The following EIF3M variants were observed in gnomAD, a reference collection of about 807,000 sequenced individuals.
EIF3M encodes eukaryotic translation initiation factor 3 subunit M.
A neutral mutation model predicts 49.7 loss-of-function variants in EIF3M; 25 were observed. That is an observed-to-expected ratio of 0.50 (90% CI 0.37 to 0.70). The LOEUF is 0.70. Among genes scored for constraint, EIF3M ranks in the 30% least tolerant of loss-of-function variants. EIF3M has a pLI of 0.00. For synonymous variants in EIF3M, 156 were observed against 149.8 expected (o/e 1.04, Z -0.30); for missense variants, 350 against 440.0 (o/e 0.80, Z 1.83).
intron 3 of EIF3M, 83 bp from the exon 4 acceptor site, chr11:32,588,929 C>T: frequency 6.4e-7 from 1 of 1,564,226 alleles, no homozygotes; most frequent in Non-Finnish European, 8.7e-7. Flanking sequence ...CGGTACCTGC[C>T]ACAGGTTTGT....
At chr11:32,593,697 C>A in intron 5 of EIF3M, 169 bp from the exon 6 acceptor site, 1 of 396,058 alleles carries the variant, frequency 2.5e-6, no homozygotes, top group Non-Finnish European at 4.5e-6. Flanking sequence ...CTTAGTTGTC[C>A]ATCTTTCCTA....
intron 10 of EIF3M, chr11:32,602,051 T>G: frequency 1.2e-6 from 1 of 867,034 alleles, no homozygotes; most frequent in Non-Finnish European, 1.8e-6. Context: ...GCTAGAATAC[T>G]AATGACTTTT....
intron 2 of EIF3M, among the ~76,000 whole-genome samples, chr11:32,588,118 T>C (rs1855028900): frequency 6.6e-6 from 1 of 152,104 alleles, no homozygotes; most frequent in African/African-American, 2.4e-5. Flanking sequence ...AGGCCAGGCA[T>C]AGTGGCTCAC....
chr11:32,602,430 A>G lies in EIF3M; in HGVS notation c.*31A>G. ...TATGCTTATAATTTTTGTTCTTTGAAAAAAAAGCCCTAAATCATAGTAAAA... is the reference window on the plus strand; with the variant it reads ...TATGCTTATAATTTTTGTTCTTTGAGAAAAAAGCCCTAAATCATAGTAAAA... On this transcript the variant is annotated 3_prime_UTR_variant, in exon 11 of 11. Coordinates refer to ENST00000531120, the MANE Select transcript of EIF3M (RefSeq NM_006360.6). The G allele has an allele frequency of 6.3e-7, 1 of 1,599,916 alleles. No homozygotes were observed. Among genetic ancestry groups the G allele is most frequent in the Non-Finnish European group, 8.5e-7 (1 of 1,173,558 alleles).
Position 32,602,821 on chromosome 11 carries a change from CTG to C in EIF3M, c.*424_*425del. On this transcript the variant is annotated 3_prime_UTR_variant, in exon 11 of 11. Coordinates refer to ENST00000531120, the MANE Select transcript of EIF3M (RefSeq NM_006360.6). ...AAGCACTTATCTACATTATTTTAAT[CTG>C]TTGTTTTTTTCCAACGTCTCTTCTG... 4 of 1,589,018 alleles carry C rather than the reference CTG, an allele frequency of 2.5e-6. No individual in the cohort carries two copies. The highest frequency in any genetic ancestry group is 1.7e-4 in the Middle Eastern group (1 of 5,854).
chr11:32,588,516 A>C, intron 2 of EIF3M, 78 bp from the exon 3 acceptor site: 1 of 1,527,930 alleles, frequency 6.5e-7, no homozygotes, highest in Non-Finnish European at 8.9e-7. Context: ...TTGTATTAAA[A>C]CACTGGAAAT....
intron 1 of EIF3M, among the ~76,000 whole-genome samples, chr11:32,585,095 C>T (rs1172651325): frequency 2.0e-5 from 3 of 152,048 alleles, no homozygotes; most frequent in Admixed American, 6.6e-5. Flanking sequence ...CCTCTCTCCT[C>T]CCCCCGCCCC....
chr11:32,599,590 G>A (rs1855230476), intron 8 of EIF3M, among the ~76,000 whole-genome samples: 1 of 151,952 alleles, frequency 6.6e-6, no homozygotes. Context: ...GCACTTGATT[G>A]ATCATTTGCT....
At position 32,588,984 on chromosome 11, in the gene EIF3M, ATTGTTTAT is replaced by A; in HGVS notation, c.315-21_315-14del. ...TTAAAACTGGTTGCTGATTTCAAAC[ATTGTTTAT>A]TTGTTTGTTAACCAACCAGGTTAAG... On this transcript the variant is annotated intron_variant, in intron 3 of 10. Coordinates refer to ENST00000531120, the MANE Select transcript of EIF3M (RefSeq NM_006360.6). 6.2e-7 allele frequency: 1 copy of A among 1,610,502 alleles called. No homozygotes were observed.
chr11:32,586,890 A>G (rs1372720114), intron 1 of EIF3M, 122 bp from the exon 2 acceptor site: 1 of 1,353,768 alleles, frequency 7.4e-7, no homozygotes, highest in Non-Finnish European at 9.8e-7. Flanking sequence ...AGGGGTCTTC[A>G]ACATTATTTG....
At chr11:32,592,417 A>G (rs969140036) in intron 5 of EIF3M, 4 of 547,978 alleles carry the variant, frequency 7.3e-6, no homozygotes, top group Non-Finnish European at 1.4e-5. Flanking sequence ...AGTCTCTCAA[A>G]TTATGTTCTT....
chr11:32,588,800 T>C (rs1855046225), intron 3 of EIF3M, 68 bp downstream of exon 3: 2 of 1,598,674 alleles, frequency 1.3e-6, no homozygotes, highest in Admixed American at 1.7e-5. Flanking sequence ...CTTTTAATGG[T>C]GCAGAGCAGG....
rs1213691925 is a variant in EIF3M, at chr11:32,595,966, C to T, written c.718C>T (p.Leu240Phe). ...KFLEGELIHDLLTIFVSAKLA... is the reference protein window; with the variant it reads ...KFLEGELIHDFLTIFVSAKLA... ...TCTTTTTTGTCTCTTATCTGTATAG[C>T]TTTTAACCATTTTTGTGAGTGCTAA... Residue 240 changes from leucine to phenylalanine, a missense_variant and splice_region_variant, in exon 8 of 11, where the codon CTT becomes TTT. Coordinates refer to ENST00000531120, the MANE Select transcript of EIF3M (RefSeq NM_006360.6). The T allele has an allele frequency of 1.9e-6, 3 of 1,573,866 alleles. No homozygotes were observed. Among genetic ancestry groups the T allele is most frequent in the African/African-American group, 1.4e-5 (1 of 71,646 alleles).
At chr11:32,585,084 C>T (rs1854974062) in intron 1 of EIF3M, among the ~76,000 whole-genome samples, 1 of 151,972 alleles carries the variant, frequency 6.6e-6, no homozygotes, top group Non-Finnish European at 1.5e-5. Flanking sequence ...AGTGAGTTCC[C>T]CCTCTCTCCT....
chr11:32,603,317 A>G lies in EIF3M; in HGVS notation c.*918A>G. 1 of 260,290 alleles carries G rather than the reference A, an allele frequency of 3.8e-6. No individual in the cohort carries two copies. The highest frequency in any genetic ancestry group is 7.2e-6 in the Non-Finnish European group (1 of 138,478). 16.1% of individuals were successfully genotyped at this position (260,290 alleles called of 1,614,324 possible). ...TGTTGAAGAAACAGGAAGGGCAGTG[A>G]GATATTTGGAAGTTGGCATGTTTTC... On this transcript the variant is annotated 3_prime_UTR_variant, in exon 11 of 11. Coordinates refer to ENST00000531120, the MANE Select transcript of EIF3M (RefSeq NM_006360.6).
chr11:32,592,868 C>A, intron 5 of EIF3M: 1 of 297,888 alleles, frequency 3.4e-6, no homozygotes, highest in Non-Finnish European at 6.5e-6. Flanking sequence ...TTCACAGGTG[C>A]AATTGTAGTG....
At chr11:32,601,722 A>C in intron 9 of EIF3M, 40 bp from the exon 10 acceptor site, 1 of 1,579,516 alleles carries the variant, frequency 6.3e-7, no homozygotes, top group Non-Finnish European at 8.6e-7. Context: ...TTTCTTGGAA[A>C]TTTTCCATAT....
At position 32,605,729 on chromosome 11, in the gene EIF3M, C is replaced by T. The variant is rs775091890; in HGVS notation, c.*3330C>T. 2.0e-5 allele frequency: 3 copies of T among 151,782 alleles called. No individual in the cohort carries two copies. The highest frequency in any genetic ancestry group is 4.4e-5 in the Non-Finnish European group (3 of 67,938). The allele number at this position is 151,782 out of a possible 1,614,324, so 9.4% of individuals were successfully genotyped here. A position where few individuals can be genotyped will look rare whatever the true frequency, so the allele number is the denominator to read the frequency against. On this transcript the variant is annotated 3_prime_UTR_variant, in exon 11 of 11. Transcript: ENST00000531120. Reference sequence around the variant, plus strand: ...AGAAACAAGATACAGTGTAGATTAGCTAATGTTTGCGCTTAACAAAACTTG... The same window carrying T: ...AGAAACAAGATACAGTGTAGATTAGTTAATGTTTGCGCTTAACAAAACTTG...
intron 5 of EIF3M, chr11:32,591,829 C>T: frequency 4.2e-6 from 1 of 239,334 alleles, no homozygotes; most frequent in Non-Finnish European, 8.7e-6. Context: ...AGAGACTGCC[C>T]AAGCTTTATC....
Sources: gnomAD v4.1 joint callset for allele counts (sites outside exome capture counted in the v4.1 genomes callset) on GRCh38, gnomAD v4.1.1 for gene constraint, MANE v1.5 for transcripts, NCBI Gene and HGNC (gene_info 2026-07-23, HGNC 2026-07-21) for gene names.